ERICH6: variants seen among roughly 807,000 people sequenced by gnomAD.
The protein encoded by ERICH6 is glutamate-rich protein 6.
In ERICH6, 71 loss-of-function variants were observed where a neutral mutation model predicts 71.0. The observed-to-expected ratio is 1.00, with a 90% CI of 0.83 to 1.22. ERICH6 has a LOEUF of 1.22. Ranked by LOEUF, ERICH6 falls within the 50% of genes most tolerant of loss-of-function variation. The probability of loss-of-function intolerance (pLI) is 0.00; values close to 1 mark genes in which losing one functional copy is unlikely to be tolerated. For missense variants in ERICH6, 808 were observed against 797.2 expected (o/e 1.01, Z -0.16); for synonymous variants, 262 against 278.4 (o/e 0.94, Z 0.59).
At chr3:150,685,025 A>T (rs911886264) in intron 6 of ERICH6, among the ~76,000 whole-genome samples, 15 of 151,740 alleles carry the variant, frequency 9.9e-5, no homozygotes, top group African/African-American at 2.4e-4. Context: ...AATAATAATA[A>T]TTTTTTTAAA....
intron 1 of ERICH6, 148 bp downstream of exon 1, chr3:150,703,348 T>TGA: frequency 7.1e-7 from 1 of 1,399,132 alleles, no homozygotes; most frequent in Non-Finnish European, 9.3e-7. Context: ...GACAAGGGCG[T>TGA]GAGAGAGATT....
intron 12 of ERICH6, among the ~76,000 whole-genome samples, chr3:150,667,778 C>T (rs1559909966): frequency 2.0e-5 from 3 of 152,150 alleles, no homozygotes; most frequent in African/African-American, 7.2e-5. Context: ...TCTGGGTACT[C>T]AGAAAGTTGG....
At chr3:150,665,852 A>G (rs1264182019) in intron 13 of ERICH6, among the ~76,000 whole-genome samples, 1 of 151,466 alleles carries the variant, frequency 6.6e-6, no homozygotes, top group Non-Finnish European at 1.5e-5. Context: ...AAAAAAATCA[A>G]TGACACAAAG....
At chr3:150,702,269 AC>A in intron 1 of ERICH6, 91 bp from the exon 2 acceptor site, 29 of 352,238 alleles carry the variant, frequency 8.2e-5, no homozygotes, top group East Asian at 2.7e-4. Context: ...ATGTCTGGAG[AC>A]TTTTTTTTTT....
intron 10 of ERICH6, among the ~76,000 whole-genome samples, chr3:150,675,314 A>G (rs574881111): frequency 6.6e-5 from 10 of 152,122 alleles, no homozygotes; most frequent in Non-Finnish European, 1.5e-4. Flanking sequence ...GATCATCTTT[A>G]TCTTTATTTT....
intron 13 of ERICH6, among the ~76,000 whole-genome samples, chr3:150,663,658 C>G (rs1727302080): frequency 6.6e-6 from 1 of 152,060 alleles, no homozygotes; most frequent in Admixed American, 6.5e-5. Context: ...AAACGACTTT[C>G]ATAGAGATCG....
chr3:150,698,337 T>G (rs1300156035), intron 3 of ERICH6, among the ~76,000 whole-genome samples: 3 of 152,060 alleles, frequency 2.0e-5, no homozygotes, highest in Non-Finnish European at 4.4e-5. Context: ...CAGTAAGCAG[T>G]CGATGAATAA....
intron 2 of ERICH6, 29 bp downstream of exon 2, chr3:150,702,092 A>C: frequency 6.9e-7 from 1 of 1,452,150 alleles, no homozygotes; most frequent in Non-Finnish European, 9.5e-7. Flanking sequence ...TGGGTTCAAA[A>C]AATGTGAAAT....
At chr3:150,671,086 T>A (rs979029930) in intron 11 of ERICH6, among the ~76,000 whole-genome samples, 1 of 152,168 alleles carries the variant, frequency 6.6e-6, no homozygotes, top group Admixed American at 6.6e-5. Context: ...ATAATAGGAT[T>A]CTGTCTCTAA....
At chr3:150,693,881 C>A (rs947421491) in intron 3 of ERICH6, among the ~76,000 whole-genome samples, 1 of 151,868 alleles carries the variant, frequency 6.6e-6, no homozygotes, top group Admixed American at 6.5e-5. Context: ...TTTTTTCCTT[C>A]TTTCTTCCCC....
At chr3:150,672,087 A>G (rs1322194649) in intron 11 of ERICH6, among the ~76,000 whole-genome samples, 1 of 152,100 alleles carries the variant, frequency 6.6e-6, no homozygotes, top group Non-Finnish European at 1.5e-5. Flanking sequence ...GTACATCTAT[A>G]TAATAAAGTA....
intron 3 of ERICH6, among the ~76,000 whole-genome samples, chr3:150,695,777 CTA>C (rs145221153): frequency 2.2e-4 from 32 of 147,798 alleles, no homozygotes; most frequent in East Asian, 7.9e-4. Flanking sequence ...ATAGTATATA[CTA>C]TATATATATA....
intron 11 of ERICH6, among the ~76,000 whole-genome samples, chr3:150,669,950 T>A (rs1711497629): frequency 6.6e-6 from 1 of 152,100 alleles, no homozygotes; most frequent in South Asian, 2.1e-4. Context: ...TCCCAGCACT[T>A]ACGGAGGCCA....
chr3:150,703,579 G>A lies in ERICH6; in HGVS notation c.320C>T (p.Thr107Ile), dbSNP rs568739457. The change falls in exon 1 of 14, where the codon ACC (threonine) becomes ATC (isoleucine). Residue 107 changes from threonine (T) to isoleucine (I), a missense_variant. Transcript: ENST00000295910. ...RLASIVSPSL[T>I]STFVPSQSAT... is the part of the protein sequence containing the mutation. ...GCTCTGGCTGGGCACGAACGTAGAG[G>A]TCAGGCTAGGGCTGACGATGCTGGC... 2 of 1,613,948 alleles carry A rather than the reference G, an allele frequency of 1.2e-6. No homozygotes were observed. Among genetic ancestry groups the A allele is most frequent in the African/African-American group, 1.3e-5 (1 of 75,030 alleles).
intron 3 of ERICH6, among the ~76,000 whole-genome samples, chr3:150,689,183 G>A (rs1712320171): frequency 6.6e-6 from 1 of 152,080 alleles, no homozygotes; most frequent in African/African-American, 2.4e-5. Flanking sequence ...ACTTTATTTT[G>A]CTGTACAACT....
At chr3:150,680,671 C>G in intron 8 of ERICH6, 102 bp downstream of exon 8, 1 of 1,552,846 alleles carries the variant, frequency 6.4e-7, no homozygotes, top group Non-Finnish European at 8.7e-7. Flanking sequence ...CTAGGAAATA[C>G]ATCTTCAAAG....
At chr3:150,703,155 GC>G (rs1712981869) in intron 1 of ERICH6, among the ~76,000 whole-genome samples, 1 of 151,842 alleles carries the variant, frequency 6.6e-6, no homozygotes, top group Non-Finnish European at 1.5e-5. Flanking sequence ...GCGGTGGGAG[GC>G]TTGAGCCCAG....
At chr3:150,702,253 A>G in intron 1 of ERICH6, 75 bp from the exon 2 acceptor site, 1 of 604,556 alleles carries the variant, frequency 1.7e-6, no homozygotes, top group Non-Finnish European at 2.9e-6. Context: ...CCAGGAACAC[A>G]TGGCAATGTC....
At position 150,687,331 on chromosome 3, in the gene ERICH6, T is replaced by A. The variant is rs560060483; in HGVS notation, c.554-977A>T. ...AATTTACGACTTACGTGTTGATTAT[T>A]TCAGAAATTTCCCACTAACATTTTC... On this transcript the variant is annotated intron_variant, in intron 3 of 13. Transcript: ENST00000295910. Among the ~76,000 whole-genome samples the A allele has an allele frequency of 3.5e-4, 53 of 152,276 alleles. No homozygotes were observed. The South Asian group carries it at 0.011, about 30-fold the overall frequency.
Sources: gnomAD v4.1 joint callset for allele counts (sites outside exome capture counted in the v4.1 genomes callset) on GRCh38, gnomAD v4.1.1 for gene constraint, MANE v1.5 for transcripts, NCBI Gene and HGNC (gene_info 2026-07-23, HGNC 2026-07-21) for gene names.